TENM3: variants seen among roughly 807,000 people sequenced by gnomAD.
TENM3 encodes teneurin-3.
Under a neutral mutation model 255.1 loss-of-function variants are expected in TENM3, and 63 were observed. That is an observed-to-expected ratio of 0.25 (90% CI 0.20 to 0.30). The LOEUF is 0.30. Among genes scored for constraint, TENM3 ranks in the 10% least tolerant of loss-of-function variants. The probability of loss-of-function intolerance (pLI) is 1.00; values close to 1 mark genes in which losing one functional copy is unlikely to be tolerated. For synonymous variants in TENM3, 1,306 were observed against 1,322.3 expected (o/e 0.99, Z 0.27); for missense variants, 2,929 against 3,461.1 (o/e 0.85, Z 3.86).
At chr4:182,179,010 T>C (rs1366128835) in intron 1 of TENM3, among the ~76,000 whole-genome samples, 1 of 152,236 alleles carries the variant, frequency 6.6e-6, no homozygotes, top group Admixed American at 6.5e-5. Context: ...TAAATTTTAA[T>C]TCCTAAGTAT....
At chr4:181,708,927 G>T in the TENM3 span, among the ~76,000 whole-genome samples, 1 of 152,110 alleles carries the variant, frequency 6.6e-6, no homozygotes, top group Non-Finnish European at 1.5e-5. Context: ...TCTGAGATAG[G>T]GCTAAAATGT....
intron 1 of TENM3, among the ~76,000 whole-genome samples, chr4:182,152,944 C>T (rs1183128963): frequency 6.6e-6 from 1 of 151,730 alleles, no homozygotes; most frequent in African/African-American, 2.4e-5. Context: ...CAGTCTCAAA[C>T]AGAAAAGACC....
intron 1 of TENM3, among the ~76,000 whole-genome samples, chr4:182,263,987 G>T (rs938940867): frequency 2.0e-5 from 3 of 152,136 alleles, no homozygotes; most frequent in Admixed American, 6.5e-5. Flanking sequence ...CGATGGTGCC[G>T]CAAGCCGGAT....
chr4:182,683,526 G>A (rs958409039), intron 11 of TENM3, among the ~76,000 whole-genome samples: 20 of 152,108 alleles, frequency 1.3e-4, no homozygotes, highest in Non-Finnish European at 1.9e-4. Flanking sequence ...CTGGTTCCAA[G>A]TAATTTAAAT....
chr4:182,246,337 C>A (rs910592854), intron 1 of TENM3, among the ~76,000 whole-genome samples: 1 of 151,808 alleles, frequency 6.6e-6, no homozygotes, highest in Non-Finnish European at 1.5e-5. Context: ...GAATGAGATT[C>A]GCTATGAGCC....
At chr4:181,787,150 C>T in the TENM3 span, among the ~76,000 whole-genome samples, 1 of 152,142 alleles carries the variant, frequency 6.6e-6, no homozygotes, top group African/African-American at 2.4e-5. Flanking sequence ...CCGGACACGC[C>T]TTGTTCCACC....
intron 3 of TENM3, among the ~76,000 whole-genome samples, chr4:182,400,217 A>G (rs147510445): frequency 6.8e-4 from 104 of 152,226 alleles, no homozygotes; most frequent in Non-Finnish European, 1.2e-3. Context: ...CACACGTACA[A>G]TTTTCAGCAA....
chr4:182,141,508 A>G (rs913045218), upstream of TENM3: 5 of 150,246 alleles, frequency 3.3e-5, no homozygotes, highest in African/African-American at 1.2e-4. Context: ...ACAGAGAGAG[A>G]CCCAAATTTA....
the TENM3 span, among the ~76,000 whole-genome samples, chr4:181,951,313 C>A: frequency 6.6e-6 from 1 of 152,082 alleles, no homozygotes; most frequent in East Asian, 1.9e-4. Context: ...TAACCCTGGA[C>A]CTGTCTCAAA....
At chr4:182,525,252 C>G (rs1270109812) in intron 3 of TENM3, among the ~76,000 whole-genome samples, 2 of 152,152 alleles carry the variant, frequency 1.3e-5, no homozygotes, top group East Asian at 3.8e-4. Flanking sequence ...ACAAAGTGGA[C>G]TCCATAGTCT....
intron 1 of TENM3, among the ~76,000 whole-genome samples, chr4:182,291,582 C>A (rs1761129670): frequency 1.3e-5 from 2 of 152,126 alleles, no homozygotes; most frequent in Non-Finnish European, 2.9e-5. Flanking sequence ...TAATATTACC[C>A]TCCCCATGGT....
At chr4:181,681,768 G>A in the TENM3 span, among the ~76,000 whole-genome samples, 1 of 151,832 alleles carries the variant, frequency 6.6e-6, no homozygotes, top group African/African-American at 2.4e-5. Context: ...CCCCAGTAGG[G>A]ATAAAACAAG....
At chr4:182,513,463 G>T (rs1737613802) in intron 3 of TENM3, among the ~76,000 whole-genome samples, 1 of 141,090 alleles carries the variant, frequency 7.1e-6, no homozygotes, top group South Asian at 2.2e-4. Flanking sequence ...GAAGAAGCTG[G>T]AAAAGAACAT....
chr4:182,538,318 A>G (rs1740538656), intron 3 of TENM3, among the ~76,000 whole-genome samples: 1 of 152,228 alleles, frequency 6.6e-6, no homozygotes, highest in African/African-American at 2.4e-5. Context: ...AACAAGGCAT[A>G]TTAATGAAAT....
At chr4:182,774,263 C>T (rs1322425941) in intron 23 of TENM3, among the ~76,000 whole-genome samples, 1 of 152,030 alleles carries the variant, frequency 6.6e-6, no homozygotes, top group African/African-American at 2.4e-5. Context: ...AACTTTTTGA[C>T]TCATTTTTTT....
intron 6 of TENM3, among the ~76,000 whole-genome samples, chr4:182,664,053 A>G (rs1581249717): frequency 6.6e-6 from 1 of 152,182 alleles, no homozygotes; most frequent in Non-Finnish European, 1.5e-5. Context: ...CTTTGATACT[A>G]TAATTTTGTA....
chr4:182,524,802 C>T (rs1429551131), intron 3 of TENM3, among the ~76,000 whole-genome samples: 1 of 146,230 alleles, frequency 6.8e-6, no homozygotes, highest in Non-Finnish European at 1.5e-5. Flanking sequence ...GGATCCCTTA[C>T]CCCCTGGAGT....
the TENM3 span, among the ~76,000 whole-genome samples, chr4:181,458,051 C>T: frequency 6.6e-6 from 1 of 151,900 alleles, no homozygotes; most frequent in Non-Finnish European, 1.5e-5. Context: ...GTGGAGTTCA[C>T]ACTGTAAGAT....
intron 4 of TENM3, among the ~76,000 whole-genome samples, chr4:182,616,625 T>G (rs1003768904): frequency 6.6e-6 from 1 of 150,870 alleles, no homozygotes; most frequent in African/African-American, 2.4e-5. Flanking sequence ...TTTGCAAGTT[T>G]CTGCAGATGC....
Sources: gnomAD v4.1 joint callset for allele counts (sites outside exome capture counted in the v4.1 genomes callset) on GRCh38, gnomAD v4.1.1 for gene constraint, MANE v1.5 for transcripts, NCBI Gene and HGNC (gene_info 2026-07-23, HGNC 2026-07-21) for gene names.